GPC6: variants seen among roughly 807,000 people sequenced by gnomAD.
GPC6 encodes the protein glypican-6.
In GPC6, 14 loss-of-function variants were observed where a neutral mutation model predicts 55.2. That is an observed-to-expected ratio of 0.25 (90% CI 0.17 to 0.40). The LOEUF (loss-of-function observed/expected upper bound fraction) is 0.40, where lower values mean the gene tolerates loss of function less well. GPC6 is among the 10% of genes least tolerant of loss of function. The pLI is 1.00. For missense variants in GPC6, 641 were observed against 708.5 expected, an observed-to-expected ratio of 0.90 and a Z score of 1.08; for synonymous variants, 278 against 259.6, an observed-to-expected ratio of 1.07 and a Z score of -0.68.
At chr13:93,632,327 G>T (rs1333079401) in intron 2 of GPC6, among the ~76,000 whole-genome samples, 2 of 152,040 alleles carry the variant, frequency 1.3e-5, no homozygotes, top group African/African-American at 4.8e-5. Context: ...AAAGAAGTAG[G>T]CCAGGCACAG....
At chr13:93,387,286 G>T (rs547557179) in intron 1 of GPC6, among the ~76,000 whole-genome samples, 2 of 151,986 alleles carry the variant, frequency 1.3e-5, no homozygotes, top group African/African-American at 2.4e-5. Context: ...TTTAAGGCCC[G>T]CATGCACCAG....
At chr13:94,140,027 GT>G (rs1248803189) in intron 4 of GPC6, among the ~76,000 whole-genome samples, 7 of 147,246 alleles carry the variant, frequency 4.8e-5, no homozygotes, top group African/African-American at 1.3e-4. Context: ...TGAGAAAATT[GT>G]TTTTCTTTTT....
At chr13:93,911,179 G>T (rs1161805612) in intron 3 of GPC6, among the ~76,000 whole-genome samples, 1 of 152,130 alleles carries the variant, frequency 6.6e-6, no homozygotes, top group African/African-American at 2.4e-5. Flanking sequence ...GCATTCACAG[G>T]CAAAGTCATA....
At chr13:93,919,843 G>T (rs1877480932) in intron 3 of GPC6, among the ~76,000 whole-genome samples, 1 of 152,204 alleles carries the variant, frequency 6.6e-6, no homozygotes, top group South Asian at 2.1e-4. Flanking sequence ...GAAGGCCAAA[G>T]AAGATGTAGC....
At chr13:93,714,304 C>A (rs1455595192) in intron 2 of GPC6, among the ~76,000 whole-genome samples, 2 of 151,800 alleles carry the variant, frequency 1.3e-5, no homozygotes, top group Non-Finnish European at 2.9e-5. Flanking sequence ...CAAAAGAAGA[C>A]ATAATCAGCC....
At chr13:93,424,441 A>G (rs2139264239) in intron 1 of GPC6, among the ~76,000 whole-genome samples, 1 of 152,200 alleles carries the variant, frequency 6.6e-6, no homozygotes, top group African/African-American at 2.4e-5. Flanking sequence ...GGCAGCTGAG[A>G]CATCTCCTGT....
At chr13:94,063,915 T>C (rs561918433) in intron 4 of GPC6, among the ~76,000 whole-genome samples, 7 of 152,342 alleles carry the variant, frequency 4.6e-5, no homozygotes, top group African/African-American at 1.7e-4. Context: ...GCTTTCATGG[T>C]TGGAAGCATT....
At chr13:94,200,532 T>C (rs1337464479) in intron 4 of GPC6, among the ~76,000 whole-genome samples, 8 of 152,220 alleles carry the variant, frequency 5.3e-5, no homozygotes, top group Admixed American at 5.2e-4. Context: ...TGGTAGTCTA[T>C]CTTCTTTGTA....
intron 3 of GPC6, among the ~76,000 whole-genome samples, chr13:93,928,506 G>C (rs1034897575): frequency 6.6e-6 from 1 of 152,098 alleles, no homozygotes; most frequent in African/African-American, 2.4e-5. Flanking sequence ...GTACATTCAT[G>C]AGCTTATAAG....
upstream of GPC6, among the ~76,000 whole-genome samples, chr13:93,225,482 TGGA>T: frequency 4.3e-5 from 1 of 23,314 alleles, no homozygotes; most frequent in South Asian, 3.9e-3. Context: ...GATTTAGCTA[TGGA>T]GTTTTTTTTT....
At chr13:93,442,802 A>T (rs1313643686) in intron 1 of GPC6, among the ~76,000 whole-genome samples, 1 of 151,680 alleles carries the variant, frequency 6.6e-6, no homozygotes, top group East Asian at 1.9e-4. Context: ...GTATATATAT[A>T]TTTTTATTAT....
intron 3 of GPC6, among the ~76,000 whole-genome samples, chr13:93,846,610 T>TGA (rs1399644417): frequency 4.6e-5 from 7 of 152,226 alleles, no homozygotes; most frequent in African/African-American, 1.7e-4. Context: ...GTCAGGAGTT[T>TGA]GAGACCAGTC....
At chr13:93,759,937 G>A (rs2138875065) in intron 2 of GPC6, among the ~76,000 whole-genome samples, 1 of 151,354 alleles carries the variant, frequency 6.6e-6, no homozygotes, top group East Asian at 2.0e-4. Context: ...AATATGAGAA[G>A]TGCTGCAGTG....
At chr13:93,841,043 C>T (rs1171048250) in intron 3 of GPC6, among the ~76,000 whole-genome samples, 1 of 152,130 alleles carries the variant, frequency 6.6e-6, no homozygotes, top group Non-Finnish European at 1.5e-5. Flanking sequence ...TAATCACTTA[C>T]ACATGTACGA....
At chr13:93,967,346 A>C (rs951493572) in intron 3 of GPC6, among the ~76,000 whole-genome samples, 1 of 152,196 alleles carries the variant, frequency 6.6e-6, no homozygotes, top group African/African-American at 2.4e-5. Context: ...CGATGTACAA[A>C]AGTAGTAGTT....
At chr13:94,071,513 T>A (rs1884735280) in intron 4 of GPC6, among the ~76,000 whole-genome samples, 4 of 152,310 alleles carry the variant, frequency 2.6e-5, no homozygotes, top group Non-Finnish European at 4.4e-5. Flanking sequence ...AATTATTCAA[T>A]ACAGAGCTCA....
intron 1 of GPC6, among the ~76,000 whole-genome samples, chr13:93,443,437 A>G (rs539217638): frequency 1.6e-4 from 24 of 152,352 alleles, no homozygotes; most frequent in Admixed American, 1.4e-3. Flanking sequence ...TACTGAATTT[A>G]TTTAAGCACA....
At chr13:94,041,782 A>G (rs1883543961) in intron 4 of GPC6, among the ~76,000 whole-genome samples, 1 of 151,912 alleles carries the variant, frequency 6.6e-6, no homozygotes, top group Admixed American at 6.6e-5. Context: ...TAGCTTTACC[A>G]ATTGTTATTC....
chr13:93,268,624 A>T (rs1437483590), intron 1 of GPC6, among the ~76,000 whole-genome samples: 1 of 152,104 alleles, frequency 6.6e-6, no homozygotes, highest in Non-Finnish European at 1.5e-5. Context: ...TAAGCACTTG[A>T]CTAATTTTAT....
Sources: allele counts gnomAD v4.1 joint callset (sites outside exome capture counted in the v4.1 genomes callset), GRCh38; gene constraint gnomAD v4.1.1; transcripts MANE v1.5; gene names NCBI Gene and HGNC (gene_info 2026-07-23, HGNC 2026-07-21).